The following SLC9C2 variants were observed in gnomAD, a reference collection of about 807,000 sequenced individuals.
SLC9C2 encodes the protein solute carrier family 9 member C2 (putative), also known as sodium/hydrogen exchanger 11.
Under a neutral mutation model 140.2 loss-of-function variants are expected in SLC9C2, and 75 were observed. The ratio of observed to expected loss-of-function variants is 0.53; its 90% confidence interval spans 0.44 to 0.65. The LOEUF (loss-of-function observed/expected upper bound fraction) is 0.65, where lower values mean the gene tolerates loss of function less well. Among genes scored for constraint, SLC9C2 ranks in the 30% least tolerant of loss-of-function variants. The pLI is 0.00. For missense variants in SLC9C2, 1,074 were observed against 1,331.8 expected, an observed-to-expected ratio of 0.81 and a Z score of 3.01; for synonymous variants, 375 against 420.9, an observed-to-expected ratio of 0.89 and a Z score of 1.34.
At chr1:173,553,035 A>C (rs995042539) in intron 11 of SLC9C2, among the ~76,000 whole-genome samples, 1 of 152,168 alleles carries the variant, frequency 6.6e-6, no homozygotes, top group African/African-American at 2.4e-5. Flanking sequence ...GTCAGGAAGA[A>C]GTTGATTTTA....
At chr1:173,549,693 G>A (rs6702320) in intron 11 of SLC9C2, among the ~76,000 whole-genome samples, 29,787 of 152,192 alleles carry the variant, frequency 0.2, 4,218 homozygotes, top group East Asian at 0.64. Flanking sequence ...TGTTAAATGT[G>A]TACCACATGG....
chr1:173,505,954 C>G (rs1201455203), intron 25 of SLC9C2, among the ~76,000 whole-genome samples: 1 of 152,062 alleles, frequency 6.6e-6, no homozygotes, highest in Non-Finnish European at 1.5e-5. Flanking sequence ...GACTCCAAAC[C>G]CTGGTCTCTT....
rs564395161 is a variant in SLC9C2 at position 173,541,945 on chromosome 1, A to G, written c.1558-4906T>C. Among the ~76,000 whole-genome samples the G allele has an allele frequency of 4.3e-4, 65 of 152,342 alleles. No individual in the cohort carries two copies. The South Asian group carries it at 0.013, about 30-fold the overall frequency. The stretch of plus-strand genomic sequence containing the variant: ...ATCAATACCCTAACATCACAATTAA[A>G]AGAACTAGAGAAGCAAGAGCAAACA... On this transcript the variant is annotated intron_variant, in intron 13 of 27. Coordinates refer to ENST00000367714, the MANE Select transcript of SLC9C2 (RefSeq NM_178527.4).
chr1:173,554,506 G>GA (rs536381769), intron 11 of SLC9C2, among the ~76,000 whole-genome samples: 13 of 150,482 alleles, frequency 8.6e-5, no homozygotes, highest in Admixed American at 3.3e-4. Flanking sequence ...TTGGTGGAGG[G>GA]AAAAAAAAAC....
intron 11 of SLC9C2, 77 bp downstream of exon 11, chr1:173,554,656 A>C: frequency 1.2e-6 from 1 of 868,856 alleles, no homozygotes; most frequent in Admixed American, 2.1e-5. Flanking sequence ...TTCATGAGAA[A>C]TGTCCCCATG....
At chr1:173,560,940 G>T (rs1256341503) in intron 9 of SLC9C2, among the ~76,000 whole-genome samples, 1 of 152,054 alleles carries the variant, frequency 6.6e-6, no homozygotes, top group Non-Finnish European at 1.5e-5. Flanking sequence ...GGGACTACAG[G>T]CATGTGCAAC....
chr1:173,544,849 G>T (rs1282153979), intron 13 of SLC9C2, among the ~76,000 whole-genome samples: 1 of 152,160 alleles, frequency 6.6e-6, no homozygotes, highest in Non-Finnish European at 1.5e-5. Flanking sequence ...ACACACCAGG[G>T]CCTGTCATGG....
intron 7 of SLC9C2, among the ~76,000 whole-genome samples, chr1:173,577,287 T>C (rs1665239081): frequency 6.6e-6 from 1 of 152,224 alleles, no homozygotes; most frequent in South Asian, 2.1e-4. Context: ...TCAGAAATAC[T>C]GCACTGCATG....
chr1:173,564,138 T>G (rs1390572997), intron 9 of SLC9C2, among the ~76,000 whole-genome samples: 1 of 152,212 alleles, frequency 6.6e-6, no homozygotes, highest in African/African-American at 2.4e-5. Context: ...CAAATCTTGG[T>G]TATTGTGAAT....
chr1:173,516,974 C>T (rs1192744415), intron 23 of SLC9C2, among the ~76,000 whole-genome samples: 3 of 152,164 alleles, frequency 2.0e-5, no homozygotes, highest in Non-Finnish European at 4.4e-5. Flanking sequence ...TCTCCAGCAC[C>T]TGTTACTTTT....
Position 173,515,011 on chromosome 1 carries a change from G to A in SLC9C2, c.2907+2526C>T, listed in dbSNP as rs138759931. On this transcript the variant is annotated intron_variant, in intron 23 of 27. Coordinates refer to ENST00000367714, the MANE Select transcript of SLC9C2 (RefSeq NM_178527.4). ...GTTTTCTGGCTTGAAGGGTTTCGGC[G>A]GAGAGGTCCACTGTTAGTCTGATGG... Among the ~76,000 whole-genome samples, 610 of 152,260 alleles carry A rather than the reference G, an allele frequency of 4.0e-3. 4 individuals are homozygous for A. Among genetic ancestry groups the A allele is most frequent in the African/African-American group, 0.014 (582 of 41,558 alleles).
intron 4 of SLC9C2, among the ~76,000 whole-genome samples, chr1:173,590,505 G>T (rs1464675906): frequency 1.3e-5 from 2 of 152,044 alleles, no homozygotes; most frequent in African/African-American, 2.4e-5. Flanking sequence ...ATATACTATG[G>T]TTTTTTAAAA....
In SLC9C2 at chr1:173,511,029, C is replaced by CTTTTTTTTTTTTTTTTTTTTTTTT. The variant is rs71111066; in HGVS notation, c.2908-1354_2908-1331dup. On this transcript the variant is annotated intron_variant, in intron 23 of 27. Transcript: ENST00000367714. ...CCTGGATTTTTTTTCCTTTCTTTTC[C>CTTTTTTTTTTTTTTTTTTTTTTTT]TTTTTTTTTTTTTTTTTTTTTTTTG... Among the ~76,000 whole-genome samples the CTTTTTTTTTTTTTTTTTTTTTTTT allele has an allele frequency of 3.5e-5, 3 of 86,738 alleles. 1 individual carries two copies. Among genetic ancestry groups the CTTTTTTTTTTTTTTTTTTTTTTTT allele is most frequent in the African/African-American group, 1.6e-4 (3 of 18,298 alleles). 56.9% of individuals were successfully genotyped at this position (86,738 alleles called of 152,430 possible).
intron 23 of SLC9C2, among the ~76,000 whole-genome samples, chr1:173,512,281 TA>T (rs1660108057): frequency 6.6e-6 from 1 of 152,240 alleles, no homozygotes; most frequent in African/African-American, 2.4e-5. Context: ...TTCCTATCCA[TA>T]AGCATGGAAT....
intron 19 of SLC9C2, among the ~76,000 whole-genome samples, chr1:173,525,276 T>C (rs1489026824): frequency 1.3e-5 from 2 of 152,182 alleles, no homozygotes; most frequent in Non-Finnish European, 2.9e-5. Flanking sequence ...GTTAGACGAA[T>C]AAATGACACA....
chr1:173,601,968 G>A, intron 1 of SLC9C2, 113 bp from the exon 2 acceptor site: 1 of 646,378 alleles, frequency 1.5e-6, no homozygotes, highest in Non-Finnish European at 2.6e-6. Flanking sequence ...TTGTCACAGG[G>A]CACACATTAA....
intron 7 of SLC9C2, among the ~76,000 whole-genome samples, chr1:173,577,951 C>A (rs970427325): frequency 6.6e-6 from 1 of 152,036 alleles, no homozygotes. Context: ...ACTGTGATGA[C>A]AGGGAAACTA....
At chr1:173,595,577 G>C (rs1038970750) in intron 4 of SLC9C2, among the ~76,000 whole-genome samples, 2 of 152,144 alleles carry the variant, frequency 1.3e-5, no homozygotes, top group African/African-American at 2.4e-5. Flanking sequence ...GTGAGAAAGA[G>C]AGGGAGACTG....
At chr1:173,538,708 C>T (rs572343151) in intron 13 of SLC9C2, among the ~76,000 whole-genome samples, 5 of 152,002 alleles carry the variant, frequency 3.3e-5, no homozygotes, top group South Asian at 4.2e-4. Flanking sequence ...GGTCGTGGGG[C>T]GAGCAGAGTG....
Sources: gnomAD v4.1 joint callset for allele counts (sites outside exome capture counted in the v4.1 genomes callset) on GRCh38, gnomAD v4.1.1 for gene constraint, MANE v1.5 for transcripts, NCBI Gene and HGNC (gene_info 2026-07-23, HGNC 2026-07-21) for gene names.